FAM177A1: variants seen among roughly 807,000 people sequenced by gnomAD.
FAM177A1 encodes family with sequence similarity 177 member A1, also known as protein FAM177A1.
In FAM177A1, 22 loss-of-function variants were observed where a neutral mutation model predicts 26.1. The ratio of observed to expected loss-of-function variants is 0.84; its 90% CI spans 0.60 to 1.20. The LOEUF is 1.20. FAM177A1 is among the 50% of genes most tolerant of loss of function. The probability of loss-of-function intolerance (pLI) is 0.00; values close to 1 mark genes in which losing one functional copy is unlikely to be tolerated. For missense variants in FAM177A1, 296 were observed against 291.1 expected, an observed-to-expected ratio of 1.02 and a Z score of -0.12; for synonymous variants, 95 against 99.3, an observed-to-expected ratio of 0.96 and a Z score of 0.26.
chr14:35,077,792 A>T (rs2045421469), intron 3 of FAM177A1, among the ~76,000 whole-genome samples: 1 of 152,132 alleles, frequency 6.6e-6, no homozygotes, highest in Non-Finnish European at 1.5e-5. Context: ...TCAAGTTCTT[A>T]AACCCTTTCT....
chr14:35,079,227 T>C (rs2045443109), intron 4 of FAM177A1, among the ~76,000 whole-genome samples: 1 of 152,234 alleles, frequency 6.6e-6, no homozygotes. Flanking sequence ...ATGATCTGTG[T>C]GCAAAACTAA....
chr14:35,063,974 G>C (rs534196151), intron 2 of FAM177A1, among the ~76,000 whole-genome samples: 1 of 149,818 alleles, frequency 6.7e-6, no homozygotes, highest in South Asian at 2.1e-4. Context: ...CTTGAATCCA[G>C]GAGGCAGAGA....
At chr14:35,051,921 G>A (rs984675892) in intron 1 of FAM177A1, among the ~76,000 whole-genome samples, 1 of 152,088 alleles carries the variant, frequency 6.6e-6, no homozygotes, top group East Asian at 1.9e-4. Flanking sequence ...TTTTGCAATA[G>A]CAATTCAAAG....
intron 2 of FAM177A1, among the ~76,000 whole-genome samples, chr14:35,072,836 C>T (rs76708735): frequency 0.011 from 1,681 of 152,158 alleles, 40 homozygotes; most frequent in African/African-American, 0.039. Flanking sequence ...AATTTTGAAA[C>T]GCTCCACCCT....
intron 2 of FAM177A1, among the ~76,000 whole-genome samples, chr14:35,064,770 G>C (rs2045215418): frequency 6.6e-6 from 1 of 151,640 alleles, no homozygotes; most frequent in Non-Finnish European, 1.5e-5. Flanking sequence ...CCTTGCCTCA[G>C]CCTCCCGAGT....
rs188736269 is a variant in FAM177A1 at position 35,065,556 on chromosome 14, A to G, written c.340-11594A>G. Among the ~76,000 whole-genome samples, 80 of 152,140 alleles carry G rather than the reference A, an allele frequency of 5.3e-4. 1 individual carries two copies. The highest frequency in any genetic ancestry group is 1.8e-4 in the Non-Finnish European group (12 of 67,992). On this transcript the variant is annotated intron_variant, in intron 2 of 4. Coordinates refer to ENST00000280987, the MANE Select transcript of FAM177A1 (RefSeq NM_173607.5). ...ACTTTTTGAATCCTTTTATATAGAC[A>G]GAATGGTGCTCAGGCAGAATATTCT...
At chr14:35,057,411 C>G (rs562106598) in intron 2 of FAM177A1, among the ~76,000 whole-genome samples, 7 of 151,804 alleles carry the variant, frequency 4.6e-5, no homozygotes, top group Admixed American at 1.3e-4. Flanking sequence ...GAGACGGAGT[C>G]TCACTCTGTC....
At chr14:35,047,065 C>T in intron 1 of FAM177A1, 1 of 968,474 alleles carries the variant, frequency 1.0e-6, no homozygotes, top group Non-Finnish European at 1.2e-6. Context: ...TTCACTGGAT[C>T]CTTACAGTAA....
intron 2 of FAM177A1, among the ~76,000 whole-genome samples, chr14:35,071,600 C>T (rs923736674): frequency 2.6e-5 from 4 of 151,976 alleles, no homozygotes; most frequent in Non-Finnish European, 5.9e-5. Flanking sequence ...CCTATATATT[C>T]ATTCTGTATA....
In FAM177A1 at chr14:35,046,301, G is replaced by T; in HGVS notation, c.-163G>T. The T allele has an allele frequency of 1.3e-6, 1 of 789,552 alleles. No individual in the cohort carries two copies. Among genetic ancestry groups the T allele is most frequent in the Non-Finnish European group, 1.8e-6 (1 of 549,788 alleles). 48.9% of individuals were successfully genotyped at this position (789,552 alleles called of 1,614,324 possible). On this transcript the variant is annotated 5_prime_UTR_variant, in exon 1 of 5. Transcript: ENST00000280987. ...TGCAGTTGGCCAGCTCTCGGGGTGC[G>T]GAGCCCGGCGGGCTAGGCGAGGCGC...
chr14:35,050,561 CTG>C (rs1298386109), intron 1 of FAM177A1, among the ~76,000 whole-genome samples: 3 of 151,160 alleles, frequency 2.0e-5, no homozygotes, highest in Non-Finnish European at 4.4e-5. Context: ...CTTCCTTTGC[CTG>C]TGTCATAGAA....
intron 4 of FAM177A1, 86 bp downstream of exon 4, chr14:35,079,110 C>T: frequency 1.1e-6 from 1 of 911,386 alleles, no homozygotes; most frequent in Non-Finnish European, 1.7e-6. Flanking sequence ...TATTTTCTAA[C>T]TGCCCAACAT....
At chr14:35,051,244 C>G (rs575761607) in intron 1 of FAM177A1, among the ~76,000 whole-genome samples, 1 of 152,096 alleles carries the variant, frequency 6.6e-6, no homozygotes, top group African/African-American at 2.4e-5. Flanking sequence ...CTCAGCTTCC[C>G]GAGTAGCTGG....
intron 1 of FAM177A1, among the ~76,000 whole-genome samples, chr14:35,047,408 C>G (rs1418481602): frequency 1.3e-5 from 2 of 152,152 alleles, no homozygotes; most frequent in Non-Finnish European, 2.9e-5. Context: ...TTCAAGTGCG[C>G]ATTAGCCACA....
intron 1 of FAM177A1, among the ~76,000 whole-genome samples, chr14:35,049,199 G>A (rs577709092): frequency 6.6e-6 from 1 of 152,158 alleles, no homozygotes; most frequent in South Asian, 2.1e-4. Context: ...GCCTCCTGTT[G>A]TGACATTCTA....
intron 2 of FAM177A1, among the ~76,000 whole-genome samples, chr14:35,066,950 C>G (rs187967543): frequency 6.6e-6 from 1 of 152,164 alleles, no homozygotes; most frequent in South Asian, 2.1e-4. Flanking sequence ...TGCGCCACCA[C>G]GCCTGGCTAA....
chr14:35,081,090 G>C lies in FAM177A1; in HGVS notation c.573G>C (p.Leu191Phe). The C allele has an allele frequency of 6.2e-7, 1 of 1,613,362 alleles. No homozygotes were observed. Residue 191 changes from leucine (L) to phenylalanine (F), a missense_variant, in exon 5 of 5, where the codon TTG becomes TTC. By Grantham distance (22) the Leu-to-Phe change is conservative. Transcript: ENST00000280987. ...EAEKQYQQNK[L>F]QTDSIVQTDQ... is the part of the protein sequence containing the mutation. Reference sequence around the variant, plus strand: ...AAAAACAATATCAACAGAATAAATTGCAGACTGATTCCATTGTTCAGACAG... The same window carrying C: ...AAAAACAATATCAACAGAATAAATTCCAGACTGATTCCATTGTTCAGACAG...
At chr14:35,050,663 A>G (rs1303453909) in intron 1 of FAM177A1, 1 of 152,196 alleles carries the variant, frequency 6.6e-6, no homozygotes, top group African/African-American at 2.4e-5. Flanking sequence ...GCATGGTGGT[A>G]TACTGTGAAG....
At chr14:35,080,252 G>A (rs1458714668) in intron 4 of FAM177A1, among the ~76,000 whole-genome samples, 5 of 152,184 alleles carry the variant, frequency 3.3e-5, no homozygotes, top group African/African-American at 1.2e-4. Flanking sequence ...CTACTAAGTT[G>A]TAAACTTCTT....
Sources: allele counts gnomAD v4.1 joint callset (sites outside exome capture counted in the v4.1 genomes callset), GRCh38; gene constraint gnomAD v4.1.1; transcripts MANE v1.5; gene names NCBI Gene and HGNC (gene_info 2026-07-23, HGNC 2026-07-21).